The following RASSF2 variants were observed in gnomAD, a reference collection of about 807,000 sequenced individuals.
The protein encoded by RASSF2 is Ras association domain family member 2.
In RASSF2, 34 loss-of-function variants were observed where a neutral mutation model predicts 46.3. The observed-to-expected ratio is 0.73, with a 90% CI of 0.56 to 0.98. The LOEUF (loss-of-function observed/expected upper bound fraction) is 0.98, where lower values mean the gene tolerates loss of function less well. Ranked by LOEUF, RASSF2 falls within the 50% of genes least tolerant of loss-of-function variation. The pLI is 0.00. For synonymous variants in RASSF2, 158 were observed against 162.5 expected (o/e 0.97, Z 0.21); for missense variants, 364 against 431.2 (o/e 0.84, Z 1.38).
At chr20:4,813,818 G>T (rs1928055211) in intron 2 of RASSF2, among the ~76,000 whole-genome samples, 1 of 152,100 alleles carries the variant, frequency 6.6e-6, no homozygotes, top group South Asian at 2.1e-4. Context: ...ATGGTTGGGG[G>T]TGGTGTGTAT....
Position 4,822,376 on chromosome 20 carries a change from A to G in RASSF2, c.-80T>C, listed in dbSNP as rs768967755. On this transcript the variant is annotated 5_prime_UTR_variant, in exon 2 of 12. Coordinates refer to ENST00000379400, the MANE Select transcript of RASSF2 (RefSeq NM_014737.3). ...CACAGCCTTTGCTCTCCCGAAAAAC[A>G]CGTTCTAGGCGCCGGGATTCCAGAT... 1 of 152,122 alleles carries G rather than the reference A, an allele frequency of 6.6e-6. No homozygotes were observed. Among genetic ancestry groups the G allele is most frequent in the Non-Finnish European group, 1.5e-5 (1 of 68,044 alleles). 9.4% of individuals were successfully genotyped at this position (152,122 alleles called of 1,614,324 possible).
chr20:4,798,049 C>T lies in RASSF2; in HGVS notation c.96G>A (p.Leu32=), dbSNP rs1272232788. The T allele has an allele frequency of 1.2e-6, 2 of 1,613,936 alleles. No homozygotes were observed. Among genetic ancestry groups the T allele is most frequent in the South Asian group, 1.1e-5 (1 of 91,078 alleles). Residue 32 remains leucine (L), a synonymous_variant, in exon 4 of 12, where the codon TTG becomes TTA. Coordinates refer to ENST00000379400, the MANE Select transcript of RASSF2 (RefSeq NM_014737.3). ...GCTGTAAATTCTGGCCTTCATAGTA[C>T]AAGTTGTAGGTCTTCAGATGCAAGA... The part of the protein sequence containing the change: ...ELLLHLKTYN[L]YYEGQNLQLR...
At position 4,800,988 on chromosome 20, in the gene RASSF2, CT is replaced by C. The variant is rs770741341; in HGVS notation, c.42del (p.Asp15IlefsTer13). On this transcript the variant is annotated frameshift_variant, in exon 3 of 12. Coordinates refer to ENST00000379400, the MANE Select transcript of RASSF2 (RefSeq NM_014737.3). LOFTEE classifies it high-confidence loss of function. ...SHQTSLVPCG[Q>X]DKYISKNELL... The stretch of plus-strand genomic sequence containing the variant: ...ACGTCTTACTTGGAAATGTATTTAT[CT>C]TGTCCACATGGGACTAGGGACGTTT... The C allele has an allele frequency of 3.8e-5, 61 of 1,612,702 alleles. No homozygotes were observed. The highest frequency in any genetic ancestry group is 4.8e-5 in the Non-Finnish European group (57 of 1,178,762).
In RASSF2 at chr20:4,790,874, T is replaced by C. The variant is rs1925815610; in HGVS notation, c.377-263A>G. Among the ~76,000 whole-genome samples, 1 of 152,180 alleles carries C rather than the reference T, an allele frequency of 6.6e-6. No homozygotes were observed. The highest frequency in any genetic ancestry group is 2.4e-5 in the African/African-American group (1 of 41,448). On this transcript the variant is annotated intron_variant, in intron 6 of 11. Coordinates refer to ENST00000379400, the MANE Select transcript of RASSF2 (RefSeq NM_014737.3). The surrounding 1 kb of genome is among the most constrained non-coding windows in gnomAD (Gnocchi z 4.3). ...TTGCCATATATCACTAACCTCTCTG[T>C]GCCTCGGTGCTTTTATATATAAAAT...
chr20:4,818,677 G>A (rs551508200), intron 2 of RASSF2, among the ~76,000 whole-genome samples: 2 of 152,304 alleles, frequency 1.3e-5, no homozygotes, highest in South Asian at 2.1e-4. Context: ...TCACCAGCAC[G>A]TCGCTGGTCA....
intron 11 of RASSF2, among the ~76,000 whole-genome samples, chr20:4,785,155 CAAAAAA>C (rs11454727): frequency 3.2e-5 from 3 of 92,572 alleles, no homozygotes; most frequent in Admixed American, 1.2e-4. Flanking sequence ...ACTAAAAATA[CAAAAAA>C]AAAAAAAAAA....
At chr20:4,804,700 T>G (rs7269357) in intron 2 of RASSF2, among the ~76,000 whole-genome samples, 95,713 of 151,976 alleles carry the variant, frequency 0.63, 30,522 homozygotes, top group African/African-American at 0.7. Context: ...TTCTAAAAAG[T>G]TGCCCCTTCT....
rs570490984 is a variant in RASSF2 at position 4,790,793 on chromosome 20, G to A, written c.377-182C>T. Among the ~76,000 whole-genome samples, 4 of 152,330 alleles carry A rather than the reference G, an allele frequency of 2.6e-5. No individual in the cohort carries two copies. The highest frequency in any genetic ancestry group is 1.9e-4 in the East Asian group (1 of 5,192). On this transcript the variant is annotated intron_variant, in intron 6 of 11. Coordinates refer to ENST00000379400, the MANE Select transcript of RASSF2 (RefSeq NM_014737.3). This position sits in a 1 kb window ranked among gnomAD's most constrained non-coding sequence, Gnocchi z 4.3. ...TTACAGAGAACCTATACAAGGAAAA[G>A]TTCAGAGAACAGACTTCAGAGCCGG...
intron 11 of RASSF2, among the ~76,000 whole-genome samples, chr20:4,784,592 C>CAAAAAAAAAAAAAA (rs71197728): frequency 1.1e-5 from 1 of 89,864 alleles, no homozygotes; most frequent in Non-Finnish European, 2.2e-5. Flanking sequence ...AACATCTAGC[C>CAAAAAAAAAAAAAA]AAAAAAAAAA....
At chr20:4,796,954 C>A (rs1926403665) in intron 4 of RASSF2, among the ~76,000 whole-genome samples, 1 of 152,134 alleles carries the variant, frequency 6.6e-6, no homozygotes, top group African/African-American at 2.4e-5. Flanking sequence ...TGGAACACAT[C>A]TTCAGGACAA....
intron 2 of RASSF2, among the ~76,000 whole-genome samples, chr20:4,820,841 C>T (rs1928643570): frequency 6.6e-6 from 1 of 152,118 alleles, no homozygotes; most frequent in Admixed American, 6.6e-5. Context: ...CCAGCCTCTC[C>T]GTGAGACTCT....
At chr20:4,791,507 A>G (rs1307711177) in intron 6 of RASSF2, among the ~76,000 whole-genome samples, 1 of 152,254 alleles carries the variant, frequency 6.6e-6, no homozygotes, top group Non-Finnish European at 1.5e-5. Context: ...CCCATGGCAT[A>G]TGTCTATCCT....
rs769551649 is a variant in RASSF2 at position 4,787,724 on chromosome 20, G to A, written c.722C>T (p.Pro241Leu). ...EKQKLKATDY[P>L]LIARILQGPC... ...GCCCTGGAGGATTCGGGCAATCAGC[G>A]GGTAATCGGTGGCCTTCAGCTTCTG... is the stretch of plus-strand genomic sequence containing the variant. Residue 241 changes from proline (P) to leucine (L), a missense_variant, in exon 10 of 12, where the codon CCG (proline) becomes CTG (leucine). By Grantham distance (98) the Pro-to-Leu change is moderately conservative. Transcript: ENST00000379400. 3.3e-5 allele frequency: 54 copies of A among 1,613,976 alleles called. No homozygotes were observed. The highest frequency in any genetic ancestry group is 4.2e-5 in the Non-Finnish European group (49 of 1,180,032).
At position 4,814,016 on chromosome 20, in the gene RASSF2, G is replaced by A. The variant is rs550957031; in HGVS notation, c.-33+8313C>T. Among the ~76,000 whole-genome samples the A allele has an allele frequency of 3.3e-5, 5 of 152,292 alleles. No individual in the cohort carries two copies. The South Asian group carries it at 6.2e-4, about 19-fold the overall frequency. On this transcript the variant is annotated intron_variant, in intron 2 of 11. Transcript: ENST00000379400. ...GACCCAAGGGGAGAGTGGAAAGTTG[G>A]TGGAGACAACACTGGCCCCAATAAA...
rs747940019 is a variant in RASSF2 at position 4,792,622 on chromosome 20, G to A, written c.293C>T (p.Thr98Ile). Residue 98 changes from threonine (T) to isoleucine (I), a missense_variant, in exon 6 of 12, where the codon ACT (threonine) becomes ATT (isoleucine). Thr to Ile is a moderately conservative substitution (Grantham distance 89). Coordinates refer to ENST00000379400, the MANE Select transcript of RASSF2 (RefSeq NM_014737.3). ...SGCNLGAQGTTLKPLTVPKVQ... is the reference protein window; with the variant it reads ...SGCNLGAQGTILKPLTVPKVQ... ...TTTGGGCACAGTCAGGGGCTTCAGAGTGGTTCTGGGAGTGGAGAAGACAAA... is the reference window on the plus strand; with the variant it reads ...TTTGGGCACAGTCAGGGGCTTCAGAATGGTTCTGGGAGTGGAGAAGACAAA... The A allele has an allele frequency of 1.9e-6, 3 of 1,613,872 alleles. No homozygotes were observed. The African/African-American group carries it at 4.0e-5, about 22-fold the overall frequency.
chr20:4,785,155 C>CAAAA (rs11454727), intron 11 of RASSF2, among the ~76,000 whole-genome samples: 69 of 92,500 alleles, frequency 7.5e-4, no homozygotes, highest in African/African-American at 1.1e-3. Flanking sequence ...ACTAAAAATA[C>CAAAA]AAAAAAAAAA....
chr20:4,819,049 G>T (rs979492330), intron 2 of RASSF2, among the ~76,000 whole-genome samples: 1 of 151,996 alleles, frequency 6.6e-6, no homozygotes, highest in Non-Finnish European at 1.5e-5. Context: ...TGCAACCTCC[G>T]CCTTCCAGGT....
In RASSF2 at chr20:4,783,160, G is replaced by C. The variant is rs542648113; in HGVS notation, c.*1113C>G. On this transcript the variant is annotated 3_prime_UTR_variant, in exon 12 of 12. Coordinates refer to ENST00000379400, the MANE Select transcript of RASSF2 (RefSeq NM_014737.3). ...CTTGGAATGCATCTCCACACACAAG[G>C]TGAGGGCAACTTGCAAGAACCCAGA... 1.3e-5 allele frequency: 2 copies of C among 152,388 alleles called. No homozygotes were observed. Among genetic ancestry groups the C allele is most frequent in the African/African-American group, 4.8e-5 (2 of 41,584 alleles). 9.4% of individuals were successfully genotyped at this position (152,388 alleles called of 1,614,324 possible).
At chr20:4,803,543 C>CA (rs1396850911) in intron 2 of RASSF2, among the ~76,000 whole-genome samples, 1 of 152,046 alleles carries the variant, frequency 6.6e-6, no homozygotes, top group Non-Finnish European at 1.5e-5. Flanking sequence ...CATTCGAGGC[C>CA]AGGAGTTCGA....
Sources: gnomAD v4.1 joint callset for allele counts (sites outside exome capture counted in the v4.1 genomes callset) on GRCh38, gnomAD v4.1.1 for gene constraint, Gnocchi (gnomAD v3.1) non-coding constraint, MANE v1.5 for transcripts, NCBI Gene and HGNC (gene_info 2026-07-23, HGNC 2026-07-21) for gene names.